Variants in HSD17B3 observed in about 807,000 individuals in gnomAD.
HSD17B3 encodes the protein 17-beta-hydroxysteroid dehydrogenase type 3.
Under a neutral mutation model 41.1 loss-of-function variants are expected in HSD17B3, and 29 were observed. That is an observed-to-expected ratio of 0.71 (90% CI 0.53 to 0.96). The LOEUF is 0.96. Among genes scored for constraint, HSD17B3 ranks in the 40% least tolerant of loss-of-function variants. The pLI, the probability that HSD17B3 is intolerant of heterozygous loss-of-function variation, is 0.00. For synonymous variants in HSD17B3, 126 were observed against 145.6 expected (o/e 0.87, Z 0.97); for missense variants, 323 against 374.6 (o/e 0.86, Z 1.14).
At chr9:96,255,943 C>T (rs1281029016) in intron 2 of HSD17B3, among the ~76,000 whole-genome samples, 1 of 152,178 alleles carries the variant, frequency 6.6e-6, no homozygotes, top group Non-Finnish European at 1.5e-5. Flanking sequence ...AGAGAGATTC[C>T]GCGGGGGACA....
At chr9:96,265,814 T>C (rs142855750) in intron 2 of HSD17B3, among the ~76,000 whole-genome samples, 13 of 152,296 alleles carry the variant, frequency 8.5e-5, no homozygotes, top group African/African-American at 3.1e-4. Flanking sequence ...AATTGAAAAA[T>C]ACCCATCAGA....
intron 9 of HSD17B3, among the ~76,000 whole-genome samples, chr9:96,241,954 G>GAA (rs1564023265): frequency 6.7e-5 from 1 of 14,998 alleles, no homozygotes; most frequent in Non-Finnish European, 1.6e-4. Context: ...AAAAAGAAAA[G>GAA]AACAGAAAAA....
At chr9:96,244,109 G>A (rs536815236) in intron 9 of HSD17B3, among the ~76,000 whole-genome samples, 3 of 152,256 alleles carry the variant, frequency 2.0e-5, no homozygotes, top group Admixed American at 2.0e-4. Flanking sequence ...CCCAGGGCAC[G>A]GGGGAGGGCA....
rs187220100 is a variant in HSD17B3 at position 96,243,065 on chromosome 9, G to A, written c.672+1264C>T. On this transcript the variant is annotated intron_variant, in intron 9 of 10. Coordinates refer to ENST00000375263, the MANE Select transcript of HSD17B3 (RefSeq NM_000197.2). ...TTTCCTCTGGCATGTCGGCTGCTCCGTCAGCCTGGGGCCCTGTGTCAGCAC... is the reference window on the plus strand; with the variant it reads ...TTTCCTCTGGCATGTCGGCTGCTCCATCAGCCTGGGGCCCTGTGTCAGCAC... Among the ~76,000 whole-genome samples the A allele has an allele frequency of 2.9e-3, 438 of 152,318 alleles. 1 individual carries two copies. The highest frequency in any genetic ancestry group is 9.7e-3 in the African/African-American group (403 of 41,556).
At chr9:96,268,072 A>C (rs558104945) in intron 2 of HSD17B3, among the ~76,000 whole-genome samples, 68 of 152,174 alleles carry the variant, frequency 4.5e-4, no homozygotes, top group African/African-American at 1.6e-3. Flanking sequence ...CAACAGGTGC[A>C]CGCCACCACG....
At chr9:96,293,227 C>T (rs1587790760) in intron 2 of HSD17B3, among the ~76,000 whole-genome samples, 2 of 152,202 alleles carry the variant, frequency 1.3e-5, no homozygotes, top group East Asian at 3.8e-4. Context: ...TATTATGTTT[C>T]TGTAAAGCTA....
rs377055064 is a variant in HSD17B3 at position 96,249,154 on chromosome 9, C to G, written c.489+597G>C. Among the ~76,000 whole-genome samples the G allele has an allele frequency of 2.6e-5, 4 of 152,244 alleles. No homozygotes were observed. The East Asian group carries it at 5.8e-4, about 22-fold the overall frequency. ...ACTCCTGACCTCAGGTGATCTACCT[C>G]GGCCTCCCAAAGTGCTGGGATTACA... On this transcript the variant is annotated intron_variant, in intron 6 of 10. Transcript: ENST00000375263.
At chr9:96,252,040 G>T (rs1481648359) in intron 4 of HSD17B3, among the ~76,000 whole-genome samples, 1 of 152,158 alleles carries the variant, frequency 6.6e-6, no homozygotes, top group Non-Finnish European at 1.5e-5. Context: ...CGGCCGTAAA[G>T]TATCTTGTCT....
chr9:96,235,909 G>A lies in HSD17B3; in HGVS notation c.823-339C>T, dbSNP rs1836220340. 2.0e-5 allele frequency among the ~76,000 whole-genome samples: 3 copies of A among 151,872 alleles called. 1 individual carries two copies. The highest frequency in any genetic ancestry group is 4.2e-4 in the South Asian group (2 of 4,810). ...CAGCCTCAACCTCCTGGGCTCAAGG[G>A]ATCCTCCCACTTCAGCCTCTTGAGT... On this transcript the variant is annotated intron_variant, in intron 10 of 10. Coordinates refer to ENST00000375263, the MANE Select transcript of HSD17B3 (RefSeq NM_000197.2).
chr9:96,289,477 C>T (rs1462367111), intron 2 of HSD17B3, among the ~76,000 whole-genome samples: 1 of 152,170 alleles, frequency 6.6e-6, no homozygotes, highest in Admixed American at 6.5e-5. Context: ...CCTACCCCCA[C>T]CTCTAGCCTC....
At chr9:96,295,375 C>A (rs1240751700) in intron 2 of HSD17B3, among the ~76,000 whole-genome samples, 2 of 149,826 alleles carry the variant, frequency 1.3e-5, no homozygotes, top group Non-Finnish European at 3.0e-5. Context: ...ACTCTTGTCC[C>A]CCAGGCTGGA....
In HSD17B3 at chr9:96,292,856, C is replaced by T. The variant is rs537675773; in HGVS notation, c.201+5560G>A. ...TAATATCAGATTTCTCATAAGAAGCCGCAGAGGCCAGAAGGAAGTGCCACA... is the reference window on the plus strand; with the variant it reads ...TAATATCAGATTTCTCATAAGAAGCTGCAGAGGCCAGAAGGAAGTGCCACA... On this transcript the variant is annotated intron_variant, in intron 2 of 10. Transcript: ENST00000375263. Among the ~76,000 whole-genome samples, 93 of 152,270 alleles carry T rather than the reference C, an allele frequency of 6.1e-4. 4 individuals carry two copies. The South Asian group carries it at 0.018, about 30-fold the overall frequency.
chr9:96,248,907 ATT>A lies in HSD17B3; in HGVS notation c.489+842_489+843del, dbSNP rs11417524. Among the ~76,000 whole-genome samples, 1,390 of 142,166 alleles carry A rather than the reference ATT, an allele frequency of 9.8e-3. 24 individuals carry two copies. Among genetic ancestry groups the A allele is most frequent in the African/African-American group, 0.033 (1,306 of 39,074 alleles). 93.3% of individuals were successfully genotyped at this position (142,166 alleles called of 152,430 possible). ...CTAAGACATCTCTTGATCCACAGCC[ATT>A]TTTTTTTTTTTTTGGAGACAGAGAC... On this transcript the variant is annotated intron_variant, in intron 6 of 10. Coordinates refer to ENST00000375263, the MANE Select transcript of HSD17B3 (RefSeq NM_000197.2).
chr9:96,241,961 A>AAAAAGAAAGAAAGAAAG (rs1554692345), intron 9 of HSD17B3, among the ~76,000 whole-genome samples: 1 of 100,696 alleles, frequency 9.9e-6, no homozygotes, highest in South Asian at 3.5e-4. Flanking sequence ...AAAGAACAGA[A>AAAAAGAAAGAAAGAAAG]AAAGAAAGAA....
intron 10 of HSD17B3, among the ~76,000 whole-genome samples, chr9:96,240,515 C>G (rs1836395393): frequency 6.6e-6 from 1 of 152,086 alleles, no homozygotes. Flanking sequence ...CTCCTGGGAG[C>G]CACCTTACTT....
At chr9:96,245,220 C>T in intron 8 of HSD17B3, 125 bp downstream of exon 8, 1 of 811,822 alleles carries the variant, frequency 1.2e-6, no homozygotes, top group Non-Finnish European at 2.2e-6. Context: ...GTAGCTCAGC[C>T]CTGCACATAA....
intron 10 of HSD17B3, among the ~76,000 whole-genome samples, chr9:96,235,898 T>G (rs544109032): frequency 6.6e-6 from 1 of 151,918 alleles, no homozygotes; most frequent in African/African-American, 2.4e-5. Flanking sequence ...CTCAACCTCC[T>G]GGGCTCAAGG....
intron 3 of HSD17B3, among the ~76,000 whole-genome samples, chr9:96,253,342 A>G (rs1390673080): frequency 6.6e-6 from 1 of 152,142 alleles, no homozygotes; most frequent in Non-Finnish European, 1.5e-5. Context: ...GAGACCCCAG[A>G]CTGACAGCTG....
At chr9:96,241,340 T>TA (rs1836432510) in intron 9 of HSD17B3, among the ~76,000 whole-genome samples, 1 of 152,244 alleles carries the variant, frequency 6.6e-6, no homozygotes, top group Non-Finnish European at 1.5e-5. Context: ...AATTCAAATT[T>TA]AACTGGAGGT....
Sources: allele counts gnomAD v4.1 joint callset (sites outside exome capture counted in the v4.1 genomes callset), GRCh38; gene constraint gnomAD v4.1.1; transcripts MANE v1.5; gene names NCBI Gene and HGNC (gene_info 2026-07-23, HGNC 2026-07-21).